The following KCND2 variants were observed in gnomAD, a reference collection of about 807,000 sequenced individuals.
KCND2 encodes potassium voltage-gated channel subfamily D member 2, also known as A-type voltage-gated potassium channel KCND2.
KCND2 carries 16 observed loss-of-function variants against 54.4 expected under a neutral mutation model. The ratio of observed to expected loss-of-function variants is 0.29; its 90% CI spans 0.20 to 0.45. The LOEUF is 0.45. Among genes scored for constraint, KCND2 ranks in the 20% least tolerant of loss-of-function variants. The pLI, the probability that KCND2 is intolerant of heterozygous loss-of-function variation, is 1.00. For missense variants in KCND2, 486 were observed against 824.2 expected, an observed-to-expected ratio of 0.59 and a Z score of 5.02; for synonymous variants, 317 against 310.7, an observed-to-expected ratio of 1.02 and a Z score of -0.21.
At chr7:120,468,499 C>G (rs1030370909) in intron 1 of KCND2, among the ~76,000 whole-genome samples, 1 of 152,056 alleles carries the variant, frequency 6.6e-6, no homozygotes, top group Non-Finnish European at 1.5e-5. Flanking sequence ...ATTGTTCTCT[C>G]TACAGATAAT....
At chr7:120,299,336 A>T (rs1334700443) in intron 1 of KCND2, among the ~76,000 whole-genome samples, 1 of 152,112 alleles carries the variant, frequency 6.6e-6, no homozygotes, top group African/African-American at 2.4e-5. Flanking sequence ...TTTAATAGGA[A>T]GTGAGACTTA....
intron 1 of KCND2, among the ~76,000 whole-genome samples, chr7:120,278,533 A>G (rs538855655): frequency 2.6e-5 from 4 of 150,984 alleles, no homozygotes; most frequent in Admixed American, 1.3e-4. Flanking sequence ...CGTTATCTAC[A>G]TGAGAATAAA....
intron 1 of KCND2, among the ~76,000 whole-genome samples, chr7:120,598,846 A>G (rs1792780258): frequency 6.6e-6 from 1 of 152,218 alleles, no homozygotes. Context: ...CAAATAATCC[A>G]TCAGTTTTTA....
intron 1 of KCND2, among the ~76,000 whole-genome samples, chr7:120,479,796 C>CA (rs771337674): frequency 0.021 from 1,546 of 75,298 alleles, 14 homozygotes; most frequent in South Asian, 0.047. Context: ...TACACACACA[C>CA]AAAAAAAAAA....
At chr7:120,440,956 A>G (rs1801937602) in intron 1 of KCND2, among the ~76,000 whole-genome samples, 2 of 152,078 alleles carry the variant, frequency 1.3e-5, no homozygotes, top group South Asian at 4.1e-4. Flanking sequence ...GTTGAACAGT[A>G]GTTAGGAACC....
chr7:120,274,352 C>G lies in KCND2; in HGVS notation c.-281C>G. On this transcript the variant is annotated 5_prime_UTR_variant, in exon 1 of 6. Coordinates refer to ENST00000331113, the MANE Select transcript of KCND2 (RefSeq NM_012281.3). Reference sequence around the variant, plus strand: ...GTGCTTATTTGTGCCAGAGGGTGGCCTAGCCCACCTGCAGGAAGAGATTTG... The same window carrying G: ...GTGCTTATTTGTGCCAGAGGGTGGCGTAGCCCACCTGCAGGAAGAGATTTG... The G allele has an allele frequency of 1.8e-6, 1 of 555,776 alleles. No homozygotes were observed. 34.4% of individuals were successfully genotyped at this position (555,776 alleles called of 1,614,324 possible).
intron 1 of KCND2, among the ~76,000 whole-genome samples, chr7:120,363,103 C>T (rs184100203): frequency 6.6e-6 from 1 of 152,014 alleles, no homozygotes; most frequent in African/African-American, 2.4e-5. Flanking sequence ...GAGTTTAAGA[C>T]TAGCCTGGGA....
chr7:120,685,700 T>C (rs1792193625), intron 1 of KCND2, among the ~76,000 whole-genome samples: 1 of 151,890 alleles, frequency 6.6e-6, no homozygotes, highest in South Asian at 2.1e-4. Context: ...TGATAAAATA[T>C]ATTTTGTTTT....
At chr7:120,389,949 A>G (rs1045523960) in intron 1 of KCND2, among the ~76,000 whole-genome samples, 3 of 151,902 alleles carry the variant, frequency 2.0e-5, no homozygotes, top group Admixed American at 1.3e-4. Flanking sequence ...TTTGGACACT[A>G]TAAACTTATG....
intron 1 of KCND2, among the ~76,000 whole-genome samples, chr7:120,284,319 TCCAA>T (rs1271475934): frequency 6.6e-6 from 1 of 151,756 alleles, no homozygotes; most frequent in East Asian, 1.9e-4. Context: ...GCGCGCACAC[TCCAA>T]CCATTCGCTG....
chr7:120,610,403 C>T (rs1038761438), intron 1 of KCND2, among the ~76,000 whole-genome samples: 1 of 152,234 alleles, frequency 6.6e-6, no homozygotes, highest in Non-Finnish European at 1.5e-5. Context: ...ATGTTTTCTG[C>T]GAGTGACTGA....
At chr7:120,591,056 C>G (rs1792665875) in intron 1 of KCND2, among the ~76,000 whole-genome samples, 1 of 152,142 alleles carries the variant, frequency 6.6e-6, no homozygotes, top group South Asian at 2.1e-4. Flanking sequence ...AATGCTTCAT[C>G]TCAATTTCCC....
chr7:120,340,391 C>T (rs1008046344), intron 1 of KCND2, among the ~76,000 whole-genome samples: 3 of 152,240 alleles, frequency 2.0e-5, no homozygotes, highest in Admixed American at 6.5e-5. Context: ...ATCAACTGAG[C>T]GGATGCTATT....
chr7:120,280,940 A>G (rs1166871930), intron 1 of KCND2, among the ~76,000 whole-genome samples: 1 of 152,114 alleles, frequency 6.6e-6, no homozygotes, highest in Admixed American at 6.6e-5. Context: ...ATTCCTCAAT[A>G]TCACTGCTGG....
intron 1 of KCND2, among the ~76,000 whole-genome samples, chr7:120,351,396 ACACACACACACACACACTCTCTCTCTCT>A (rs1458148085): frequency 4.7e-5 from 7 of 148,904 alleles, no homozygotes; most frequent in Non-Finnish European, 7.4e-5. Flanking sequence ...ACACACACAC[ACACACACACACACACACTCTCTCTCTCT>A]CTCTCTCTCT....
chr7:120,689,531 A>T (rs1414247773), intron 1 of KCND2, among the ~76,000 whole-genome samples: 1 of 152,176 alleles, frequency 6.6e-6, no homozygotes, highest in Non-Finnish European at 1.5e-5. Context: ...AAATACACAT[A>T]ACAAACCACT....
At chr7:120,451,040 T>G (rs1802097957) in intron 1 of KCND2, among the ~76,000 whole-genome samples, 1 of 152,180 alleles carries the variant, frequency 6.6e-6, no homozygotes, top group Non-Finnish European at 1.5e-5. Context: ...CTTCCCTTTT[T>G]CCTTCTGTCT....
intron 2 of KCND2, 152 bp from the exon 3 acceptor site, chr7:120,741,382 A>G: frequency 1.5e-6 from 1 of 650,844 alleles, no homozygotes; most frequent in Admixed American, 2.5e-5. Context: ...GCACTTAAAA[A>G]GGTAGAGAGG....
chr7:120,402,139 C>T (rs1801271034), intron 1 of KCND2, among the ~76,000 whole-genome samples: 1 of 152,148 alleles, frequency 6.6e-6, no homozygotes, highest in Non-Finnish European at 1.5e-5. Context: ...CTTGTTTTAA[C>T]AAGATTCTAA....
Sources: gnomAD v4.1 joint callset for allele counts (sites outside exome capture counted in the v4.1 genomes callset) on GRCh38, gnomAD v4.1.1 for gene constraint, MANE v1.5 for transcripts, NCBI Gene and HGNC (gene_info 2026-07-23, HGNC 2026-07-21) for gene names.